Variants in PKNOX2 observed in about 807,000 individuals in gnomAD.
The protein encoded by PKNOX2 is PBX/knotted 1 homeobox 2, also known as homeobox protein PKNOX2.
In PKNOX2, 14 loss-of-function variants were observed where a neutral mutation model predicts 53.1. The observed-to-expected ratio is 0.26, with a 90% confidence interval of 0.17 to 0.41. The LOEUF (loss-of-function observed/expected upper bound fraction) is 0.41. Ranked by LOEUF, PKNOX2 falls within the 10% of genes least tolerant of loss-of-function variation. PKNOX2 has a pLI of 1.00. For missense variants in PKNOX2, 496 were observed against 602.8 expected, an observed-to-expected ratio of 0.82 and a Z score of 1.85; for synonymous variants, 257 against 242.8, an observed-to-expected ratio of 1.06 and a Z score of -0.54.
At position 125,351,197 on chromosome 11, in the gene PKNOX2, C is replaced by T. The variant is rs529909690; in HGVS notation, c.-22-87C>T. 23 of 729,880 alleles carry T rather than the reference C, an allele frequency of 3.2e-5. No individual in the cohort carries two copies. The South Asian group carries it at 3.4e-4, about 11-fold the overall frequency. The allele number at this position is 729,880 out of a possible 1,614,324, so 45.2% of individuals were successfully genotyped here. On this transcript the variant is annotated intron_variant, in intron 3 of 12. Coordinates refer to ENST00000298282, the MANE Select transcript of PKNOX2 (RefSeq NM_001382323.2). ...CCGCATCCAGCCGGCCCAGGTGGCC[C>T]AGCGGGGGACACAGGGAGCTGCTGG...
chr11:125,189,417 G>GTGTATATATATA (rs1233810916), intron 1 of PKNOX2, among the ~76,000 whole-genome samples: 1 of 46,574 alleles, frequency 2.1e-5, no homozygotes, highest in South Asian at 8.7e-4. Context: ...ATATATATGT[G>GTGTATATATATA]TGTGTGTGTG....
intron 4 of PKNOX2, among the ~76,000 whole-genome samples, chr11:125,357,841 A>T (rs1951700700): frequency 6.6e-6 from 1 of 152,210 alleles, no homozygotes; most frequent in African/African-American, 2.4e-5. Context: ...CTGCTGATGA[A>T]TTATACAAAT....
At chr11:125,169,689 G>A (rs1282724612) in intron 1 of PKNOX2, among the ~76,000 whole-genome samples, 11 of 152,124 alleles carry the variant, frequency 7.2e-5, no homozygotes, top group Non-Finnish European at 1.0e-4. Context: ...CACAGGCTGC[G>A]CTCTGAGTAA....
At chr11:125,178,601 G>A (rs1182457412) in intron 1 of PKNOX2, among the ~76,000 whole-genome samples, 1,747 of 26,564 alleles carry the variant, frequency 0.066, 36 homozygotes, top group South Asian at 0.078. Flanking sequence ...AAGGAAGGAA[G>A]GAAGGAAGGA....
chr11:125,280,604 C>G (rs998270751), intron 2 of PKNOX2, among the ~76,000 whole-genome samples: 1 of 152,156 alleles, frequency 6.6e-6, no homozygotes, highest in Non-Finnish European at 1.5e-5. Context: ...TCCAGGAAAC[C>G]CTTACTGGGT....
intron 2 of PKNOX2, among the ~76,000 whole-genome samples, chr11:125,323,268 G>A (rs59144742): frequency 0.022 from 3,304 of 152,274 alleles, 125 homozygotes; most frequent in African/African-American, 0.073. Flanking sequence ...ACTTTCAGAT[G>A]TCCTTTCAAA....
At chr11:125,168,048 C>A (rs1266888102) in intron 1 of PKNOX2, among the ~76,000 whole-genome samples, 2 of 152,192 alleles carry the variant, frequency 1.3e-5, no homozygotes, top group African/African-American at 2.4e-5. Context: ...GTAGGCCTGA[C>A]CCCTGTTCAG....
At chr11:125,263,247 T>A (rs1247382202) in intron 2 of PKNOX2, among the ~76,000 whole-genome samples, 1 of 152,176 alleles carries the variant, frequency 6.6e-6, no homozygotes, top group Non-Finnish European at 1.5e-5. Flanking sequence ...AGACCTCCTC[T>A]CTCTAGAGCC....
At position 125,430,092 on chromosome 11, in the gene PKNOX2, T is replaced by C. The variant is rs371748929; in HGVS notation, c.1143T>C (p.Ala381=). 1.9e-5 allele frequency: 31 copies of C among 1,613,984 alleles called. No individual in the cohort carries two copies. Among genetic ancestry groups the C allele is most frequent in the Non-Finnish European group, 2.6e-5 (31 of 1,180,000 alleles). Residue 381 remains alanine, a synonymous_variant, in exon 12 of 13, where the codon GCT becomes GCC. Transcript: ENST00000298282. ...PTQRFWPNSI[A]AGVLQQQGGA... is the part of the protein sequence containing the mutation. ...AAAGATTCTGGCCCAACTCCATCGC[T>C]GCGGGGGTGCTGCAGCAGCAGGGCG...
intron 1 of PKNOX2, among the ~76,000 whole-genome samples, chr11:125,184,576 C>A (rs1427315821): frequency 1.3e-5 from 2 of 152,162 alleles, no homozygotes; most frequent in Non-Finnish European, 2.9e-5. Flanking sequence ...TTGAGCCCAC[C>A]AGTGTGGAAA....
rs893726463 is a variant in PKNOX2 at position 125,248,646 on chromosome 11, A to G, written c.-130+13531A>G. On this transcript the variant is annotated intron_variant, in intron 2 of 12. Transcript: ENST00000298282. Reference sequence around the variant, plus strand: ...TAAGACATATATACAACACATACACATATATGATATGTGTTATATATAATA... The same window carrying G: ...TAAGACATATATACAACACATACACGTATATGATATGTGTTATATATAATA... 4.8e-4 allele frequency among the ~76,000 whole-genome samples: 72 copies of G among 148,984 alleles called. 4 individuals are homozygous for G. Among genetic ancestry groups the G allele is most frequent in the African/African-American group, 1.2e-4 (5 of 40,834 alleles).
At chr11:125,428,988 A>G (rs754943834) in intron 10 of PKNOX2, 24 bp from the exon 11 acceptor site, 2 of 1,600,384 alleles carry the variant, frequency 1.2e-6, no homozygotes, top group South Asian at 2.2e-5. Context: ...CCCAGCCCTC[A>G]CTAGTCTCCA....
rs58968290 is a variant in PKNOX2, at chr11:125,189,447, G to GTATA, written c.-201+24712_-201+24715dup. 2.3e-3 allele frequency among the ~76,000 whole-genome samples: 54 copies of GTATA among 23,454 alleles called. 1 individual carries two copies. The highest frequency in any genetic ancestry group is 3.0e-3 in the Non-Finnish European group (35 of 11,710). 15.4% of individuals were successfully genotyped at this position (23,454 alleles called of 152,430 possible). The stretch of plus-strand genomic sequence containing the variant: ...TGTGTGTGTGTGTGTGTGTGTGTGT[G>GTATA]TATATATATATATATATATATATAT... On this transcript the variant is annotated intron_variant, in intron 1 of 12. Coordinates refer to ENST00000298282, the MANE Select transcript of PKNOX2 (RefSeq NM_001382323.2).
chr11:125,371,119 G>C (rs572422702), intron 5 of PKNOX2, among the ~76,000 whole-genome samples: 1 of 152,220 alleles, frequency 6.6e-6, no homozygotes, highest in Non-Finnish European at 1.5e-5. Context: ...ACGGAGGGCA[G>C]CGTCTGTCTT....
chr11:125,171,896 C>G (rs1035667183), intron 1 of PKNOX2, among the ~76,000 whole-genome samples: 1 of 152,194 alleles, frequency 6.6e-6, no homozygotes, highest in African/African-American at 2.4e-5. Context: ...ATACAATACA[C>G]AGACCTGAGA....
At position 125,178,573 on chromosome 11, in the gene PKNOX2, G is replaced by GGAAAGAAAGAAAGAAA. The variant is rs1252779651; in HGVS notation, c.-201+13800_-201+13801insAGAAAGAAAGAAAGAA. Among the ~76,000 whole-genome samples the GGAAAGAAAGAAAGAAA allele has an allele frequency of 3.5e-4, 12 of 34,180 alleles. 1 individual carries two copies. The highest frequency in any genetic ancestry group is 2.1e-3 in the African/African-American group (12 of 5,618). 22.4% of individuals were successfully genotyped at this position (34,180 alleles called of 152,430 possible). On this transcript the variant is annotated intron_variant, in intron 1 of 12. Coordinates refer to ENST00000298282, the MANE Select transcript of PKNOX2 (RefSeq NM_001382323.2). ...GAGAAGGAAGGAAGGAACGAAGGAA[G>GGAAAGAAAGAAAGAAA]GAAGGAAGGAAGGAAGGAAGGAAGG... is the stretch of plus-strand genomic sequence containing the variant.
At chr11:125,273,754 C>T (rs1010291860) in intron 2 of PKNOX2, among the ~76,000 whole-genome samples, 2 of 152,178 alleles carry the variant, frequency 1.3e-5, no homozygotes, top group Non-Finnish European at 2.9e-5. Context: ...GACTAGACCA[C>T]GTCAGGGGGA....
At chr11:125,253,409 C>T (rs1443887998) in intron 2 of PKNOX2, among the ~76,000 whole-genome samples, 1 of 152,090 alleles carries the variant, frequency 6.6e-6, no homozygotes, top group Non-Finnish European at 1.5e-5. Flanking sequence ...TCCTGCTGGC[C>T]AGAGCCTGTT....
At chr11:125,195,563 A>G (rs914333223) in intron 1 of PKNOX2, among the ~76,000 whole-genome samples, 2 of 151,940 alleles carry the variant, frequency 1.3e-5, no homozygotes, top group African/African-American at 4.8e-5. Flanking sequence ...GTTCTGAAGA[A>G]CCGAAAGAAC....
Sources: allele counts gnomAD v4.1 joint callset (sites outside exome capture counted in the v4.1 genomes callset), GRCh38; gene constraint gnomAD v4.1.1; transcripts MANE v1.5; gene names NCBI Gene and HGNC (gene_info 2026-07-23, HGNC 2026-07-21).